SRSF11: variants seen among roughly 807,000 people sequenced by gnomAD.
The protein encoded by SRSF11 is serine and arginine rich splicing factor 11, also known as serine/arginine-rich splicing factor 11.
SRSF11 carries 9 observed loss-of-function variants against 56.0 expected under a neutral mutation model. The observed-to-expected ratio is 0.16, with a 90% CI of 0.10 to 0.28. SRSF11 has a LOEUF of 0.28. SRSF11 is among the 10% of genes least tolerant of loss of function. SRSF11 has a pLI of 1.00. For synonymous variants in SRSF11, 222 were observed against 215.3 expected (o/e 1.03, Z -0.27); for missense variants, 421 against 600.7 (o/e 0.70, Z 3.13).
chr1:70,209,256 T>C (rs1669323809), intron 1 of SRSF11, among the ~76,000 whole-genome samples: 1 of 152,228 alleles, frequency 6.6e-6, no homozygotes. Flanking sequence ...AGATGGATTA[T>C]TGAAGTCTGA....
intron 3 of SRSF11, among the ~76,000 whole-genome samples, chr1:70,233,373 C>A (rs2100766580): frequency 6.6e-6 from 1 of 152,206 alleles, no homozygotes; most frequent in East Asian, 1.9e-4. Flanking sequence ...TCCCGAATAG[C>A]TAGGACTACA....
At chr1:70,249,503 G>A (rs1404470269) in intron 9 of SRSF11, 1 of 152,458 alleles carries the variant, frequency 6.6e-6, no homozygotes, top group Non-Finnish European at 1.5e-5. Flanking sequence ...GTTTGCAGAT[G>A]ATTATATTAC....
chr1:70,246,921 G>A lies in SRSF11; in HGVS notation c.1022+14G>A. On this transcript the variant is annotated intron_variant, in intron 9 of 11. Coordinates refer to ENST00000370949, the MANE Select transcript of SRSF11 (RefSeq NM_001350605.2). Reference sequence around the variant, plus strand: ...AAGTGCAAGCAGGTAAGGTGGCATTGTGAATTCTTGGCAATTATTTTTTTA... The same window carrying A: ...AAGTGCAAGCAGGTAAGGTGGCATTATGAATTCTTGGCAATTATTTTTTTA... 6.3e-7 allele frequency: 1 copy of A among 1,584,074 alleles called. No individual in the cohort carries two copies. The highest frequency in any genetic ancestry group is 1.8e-5 in the Admixed American group (1 of 54,364).
At chr1:70,247,010 C>T in intron 9 of SRSF11, 103 bp downstream of exon 9, 1 of 1,141,558 alleles carries the variant, frequency 8.8e-7, no homozygotes, top group Non-Finnish European at 1.2e-6. Flanking sequence ...ATAAGTATTT[C>T]AGTGTTGAAA....
At chr1:70,247,224 T>C (rs1676959068) in intron 9 of SRSF11, 2 of 505,258 alleles carry the variant, frequency 4.0e-6, no homozygotes, top group Non-Finnish European at 5.2e-6. Context: ...AAGCTTATTA[T>C]AGTAAGCTAT....
intron 5 of SRSF11, among the ~76,000 whole-genome samples, chr1:70,236,347 T>G (rs1483959282): frequency 3.4e-4 from 51 of 149,908 alleles, no homozygotes; most frequent in African/African-American, 9.6e-4. Context: ...TTTTTTTTTT[T>G]TTGAGACGAG....
chr1:70,233,529 C>T (rs529876588), intron 3 of SRSF11, among the ~76,000 whole-genome samples: 77 of 152,270 alleles, frequency 5.1e-4, no homozygotes, highest in African/African-American at 1.5e-3. Context: ...CGTGAGCCAC[C>T]GCGCCCAGTC....
intron 3 of SRSF11, 138 bp from the exon 4 acceptor site, chr1:70,234,558 A>G: frequency 1.8e-6 from 1 of 569,474 alleles, no homozygotes; most frequent in East Asian, 2.9e-5. Context: ...TGGTTTGTGT[A>G]CAACTGAGGA....
intron 9 of SRSF11, chr1:70,249,454 T>C (rs1472247065): frequency 6.6e-6 from 1 of 152,254 alleles, no homozygotes; most frequent in Non-Finnish European, 1.5e-5. Flanking sequence ...TACTAGAAAT[T>C]AGGAGTTTTC....
intron 9 of SRSF11, 162 bp from the exon 10 acceptor site, chr1:70,249,790 G>A: frequency 1.5e-6 from 1 of 652,118 alleles, no homozygotes; most frequent in Non-Finnish European, 2.6e-6. Flanking sequence ...GAACTCCTGG[G>A]CTCAAGCAAT....
chr1:70,239,357 G>A, intron 6 of SRSF11, 82 bp from the exon 7 acceptor site: 1 of 924,332 alleles, frequency 1.1e-6, no homozygotes, highest in Non-Finnish European at 1.7e-6. Context: ...CTCTCATAGT[G>A]CTGTGATTAC....
At chr1:70,250,302 T>A in intron 10 of SRSF11, 63 bp from the exon 11 acceptor site, 1 of 1,585,530 alleles carries the variant, frequency 6.3e-7, no homozygotes. Context: ...TCCTGTGAAA[T>A]TGAGTCAGGC....
At position 70,231,450 on chromosome 1, in the gene SRSF11, G is replaced by A. The variant is rs1012139079; in HGVS notation, c.338-818G>A. On this transcript the variant is annotated intron_variant, in intron 2 of 11. Transcript: ENST00000370949. Reference sequence around the variant, plus strand: ...TTAGGCTTTAAAAACAGATATATATGTCATTTTTGGCTTAAGGAGTTTGGC... The same window carrying A: ...TTAGGCTTTAAAAACAGATATATATATCATTTTTGGCTTAAGGAGTTTGGC... 8 of 1,053,910 alleles carry A rather than the reference G, an allele frequency of 7.6e-6. No homozygotes were observed. The South Asian group carries it at 2.5e-4, about 33-fold the overall frequency. The allele number at this position is 1,053,910 out of a possible 1,614,324, so 65.3% of individuals were successfully genotyped here. A position where few individuals can be genotyped will look rare whatever the true frequency, so the allele number is the denominator to read the frequency against.
At chr1:70,235,126 T>G (rs1673667767) in intron 4 of SRSF11, among the ~76,000 whole-genome samples, 1 of 152,166 alleles carries the variant, frequency 6.6e-6, no homozygotes, top group Admixed American at 6.5e-5. Context: ...TTAGCTAACC[T>G]TTTTTTCTGA....
At chr1:70,218,140 T>C (rs1558147301), upstream of SRSF11, among the ~76,000 whole-genome samples, 1 of 152,170 alleles carries the variant, frequency 6.6e-6, no homozygotes. Context: ...AATTTTGTTT[T>C]TGTATTTTCA....
chr1:70,250,940 T>G lies in SRSF11; in HGVS notation c.*135T>G, dbSNP rs1677864581. On this transcript the variant is annotated 3_prime_UTR_variant, in exon 12 of 12. Coordinates refer to ENST00000370949, the MANE Select transcript of SRSF11 (RefSeq NM_001350605.2). ...GTTATAAATGGTTATAAAGCTCCTG[T>G]TACTCATATTAGTTATTTACATCAA... is the stretch of plus-strand genomic sequence containing the variant. 1 of 718,532 alleles carries G rather than the reference T, an allele frequency of 1.4e-6. No homozygotes were observed. The highest frequency in any genetic ancestry group is 2.2e-5 in the South Asian group (1 of 44,866). The allele number at this position is 718,532 out of a possible 1,614,324, so 44.5% of individuals were successfully genotyped here. A position where few individuals can be genotyped will look rare whatever the true frequency, so the allele number is the denominator to read the frequency against.
At chr1:70,218,248 A>G (rs1040012997), upstream of SRSF11, among the ~76,000 whole-genome samples, 9 of 152,328 alleles carry the variant, frequency 5.9e-5, no homozygotes, top group South Asian at 4.1e-4. Context: ...GATTACAGGC[A>G]TGAGCCACTG....
At chr1:70,249,821 A>G in intron 9 of SRSF11, 131 bp from the exon 10 acceptor site, 1 of 921,918 alleles carries the variant, frequency 1.1e-6, no homozygotes, top group South Asian at 1.6e-5. Context: ...CAGCCTGCCA[A>G]AGTGCTGGGA....
Position 70,238,692 on chromosome 1 carries a change from A to C in SRSF11, c.719-747A>C, listed in dbSNP as rs561193916. Among the ~76,000 whole-genome samples, 23 of 152,322 alleles carry C rather than the reference A, an allele frequency of 1.5e-4. No homozygotes were observed. In the South Asian group the frequency reaches 4.8e-3, roughly 32 times the overall value. On this transcript the variant is annotated intron_variant, in intron 6 of 11. Coordinates refer to ENST00000370949, the MANE Select transcript of SRSF11 (RefSeq NM_001350605.2). ...GACTAAAATCAGTGAGTGAATCATG[A>C]CTTTCTGCATTTGGGGGCCAAATAT... is the stretch of plus-strand genomic sequence containing the variant.
Sources: gnomAD v4.1 joint callset for allele counts (sites outside exome capture counted in the v4.1 genomes callset) on GRCh38, gnomAD v4.1.1 for gene constraint, MANE v1.5 for transcripts, NCBI Gene and HGNC (gene_info 2026-07-23, HGNC 2026-07-21) for gene names.